The following MNS1 variants were observed in gnomAD, a reference collection of about 807,000 sequenced individuals.
MNS1 encodes the protein meiosis specific nuclear structural 1, also known as meiosis-specific nuclear structural protein 1.
A neutral mutation model predicts 72.0 loss-of-function variants in MNS1; 63 were observed. The ratio of observed to expected loss-of-function variants is 0.87; its 90% confidence interval spans 0.71 to 1.08. The LOEUF is 1.08. Ranked by LOEUF, MNS1 falls within the 50% of genes least tolerant of loss-of-function variation. MNS1 has a pLI of 0.00. For missense variants in MNS1, 604 were observed against 562.4 expected, an observed-to-expected ratio of 1.07 and a Z score of -0.75; for synonymous variants, 188 against 172.1, an observed-to-expected ratio of 1.09 and a Z score of -0.72.
chr15:56,434,519 A>C, intron 7 of MNS1, 124 bp from the exon 8 acceptor site: 1 of 1,040,436 alleles, frequency 9.6e-7, no homozygotes. Context: ...TGAAAAAGTA[A>C]GGCTTTTCAT....
intron 7 of MNS1, among the ~76,000 whole-genome samples, chr15:56,440,541 A>G (rs1320122570): frequency 2.6e-5 from 4 of 152,206 alleles, no homozygotes; most frequent in Non-Finnish European, 4.4e-5. Flanking sequence ...TTTACTCATC[A>G]GAGCTAAATA....
In MNS1 at chr15:56,428,812, G is replaced by A. The variant is rs191013792; in HGVS notation, c.*289C>T. The A allele has an allele frequency of 8.3e-6, 3 of 360,212 alleles. No homozygotes were observed. Among genetic ancestry groups the A allele is most frequent in the Admixed American group, 8.8e-5 (2 of 22,820 alleles). 22.3% of individuals were successfully genotyped at this position (360,212 alleles called of 1,614,324 possible). On this transcript the variant is annotated 3_prime_UTR_variant, in exon 10 of 10. Coordinates refer to ENST00000260453, the MANE Select transcript of MNS1 (RefSeq NM_018365.4). ...CAGACAGAAGGCAGTTCACTTTGGGGTAGAGTTCTGTATTAGTCAAGGTAA... is the reference window on the plus strand; with the variant it reads ...CAGACAGAAGGCAGTTCACTTTGGGATAGAGTTCTGTATTAGTCAAGGTAA...
At chr15:56,463,840 G>A (rs1596270535) in intron 2 of MNS1, 186 bp downstream of exon 2, 2 of 586,906 alleles carry the variant, frequency 3.4e-6, no homozygotes, top group Non-Finnish European at 5.9e-6. Flanking sequence ...TATAGCAGTA[G>A]TAGGATTCAA....
intron 2 of MNS1, among the ~76,000 whole-genome samples, chr15:56,461,345 A>G (rs1377795392): frequency 6.6e-6 from 1 of 152,132 alleles, no homozygotes; most frequent in Non-Finnish European, 1.5e-5. Context: ...GAAGGTATCA[A>G]AGATTAAGGA....
At chr15:56,463,878 C>G (rs747554004) in intron 2 of MNS1, 148 bp downstream of exon 2, 2 of 649,004 alleles carry the variant, frequency 3.1e-6, no homozygotes, top group Non-Finnish European at 5.2e-6. Flanking sequence ...AAACCCAGGT[C>G]TTTACGATTA....
rs2051051278 is a variant in MNS1 at position 56,465,102 on chromosome 15, A to G, written c.-130T>C. 2.4e-6 allele frequency: 3 copies of G among 1,264,986 alleles called. No individual in the cohort carries two copies. The highest frequency in any genetic ancestry group is 3.3e-6 in the Non-Finnish European group (3 of 904,426). The allele number at this position is 1,264,986 out of a possible 1,614,324, so 78.4% of individuals were successfully genotyped here. A position where few individuals can be genotyped will look rare whatever the true frequency, so the allele number is the denominator to read the frequency against. On this transcript the variant is annotated 5_prime_UTR_variant, in exon 1 of 10. Transcript: ENST00000260453. ...CGGGTGTTTACGCGGCGTCTTGGCA[A>G]CGGTGGAGCTGCGCGCCCTCCGCTC...
chr15:56,443,685 C>T lies in MNS1; in HGVS notation c.856G>A (p.Ala286Thr). ...MQQQREEDRM[A>T]KVQENEEKRL... ...TTCTCCTCATTTTCTTGAACTTTTG[C>T]CATCCGATCTTCTTCTCTTTGCTGC... The change falls in exon 6 of 10, where the codon GCA becomes ACA. Residue 286 changes from alanine to threonine, a missense_variant. By Grantham distance (58) the Ala-to-Thr change is moderately conservative. Coordinates refer to ENST00000260453, the MANE Select transcript of MNS1 (RefSeq NM_018365.4). The T allele has an allele frequency of 2.5e-6, 4 of 1,613,356 alleles. No individual in the cohort carries two copies. The highest frequency in any genetic ancestry group is 3.4e-6 in the Non-Finnish European group (4 of 1,179,718).
chr15:56,451,996 T>C (rs1858605203), intron 3 of MNS1, among the ~76,000 whole-genome samples: 1 of 152,204 alleles, frequency 6.6e-6, no homozygotes, highest in African/African-American at 2.4e-5. Flanking sequence ...ATTTCATCAA[T>C]TTTGGCAAAT....
At chr15:56,443,234 T>C (rs1456473581) in intron 7 of MNS1, among the ~76,000 whole-genome samples, 196 bp downstream of exon 7, 1 of 152,212 alleles carries the variant, frequency 6.6e-6, no homozygotes, top group Non-Finnish European at 1.5e-5. Context: ...ATGCTTTTTA[T>C]GGTAAGTTTA....
intron 8 of MNS1, among the ~76,000 whole-genome samples, chr15:56,433,926 T>G (rs554596963): frequency 2.2e-3 from 338 of 152,294 alleles, no homozygotes; most frequent in Admixed American, 5.5e-3. Flanking sequence ...TATTTACCTT[T>G]TATGTTCTCA....
intron 3 of MNS1, 94 bp from the exon 4 acceptor site, chr15:56,447,037 A>C: frequency 2.8e-6 from 2 of 726,034 alleles, no homozygotes; most frequent in Non-Finnish European, 4.1e-6. Context: ...TAATTTACTC[A>C]AAGAGGGAAT....
intron 9 of MNS1, chr15:56,430,155 G>A (rs1197886037): frequency 6.6e-6 from 1 of 152,094 alleles, no homozygotes; most frequent in Non-Finnish European, 1.5e-5. Context: ...ATAGCTGAAA[G>A]ATGGCGATCT....
chr15:56,451,548 T>C (rs1455657916), intron 3 of MNS1, among the ~76,000 whole-genome samples: 13 of 152,234 alleles, frequency 8.5e-5, no homozygotes, highest in Non-Finnish European at 1.8e-4. Flanking sequence ...CTGCCTACTC[T>C]GCTATTTTGC....
At chr15:56,436,562 C>T (rs1465809447) in intron 7 of MNS1, among the ~76,000 whole-genome samples, 1 of 152,054 alleles carries the variant, frequency 6.6e-6, no homozygotes, top group African/African-American at 2.4e-5. Context: ...GAACCAAGAG[C>T]AAACACATTC....
intron 2 of MNS1, among the ~76,000 whole-genome samples, chr15:56,462,370 T>G (rs1376577753): frequency 6.6e-6 from 1 of 152,130 alleles, no homozygotes; most frequent in African/African-American, 2.4e-5. Context: ...TCACTAAAAG[T>G]GGAACAACCA....
chr15:56,432,934 T>G (rs1164625830), intron 8 of MNS1, among the ~76,000 whole-genome samples: 1 of 152,208 alleles, frequency 6.6e-6, no homozygotes, highest in African/African-American at 2.4e-5. Context: ...AACACCTACA[T>G]ATTATCCATT....
At chr15:56,463,558 C>T (rs1216151053) in intron 2 of MNS1, among the ~76,000 whole-genome samples, 4 of 151,960 alleles carry the variant, frequency 2.6e-5, no homozygotes, top group African/African-American at 7.3e-5. Context: ...CCGAGGCGGG[C>T]GGATCACGAG....
At chr15:56,432,433 T>C (rs1341842887) in intron 8 of MNS1, among the ~76,000 whole-genome samples, 1 of 152,176 alleles carries the variant, frequency 6.6e-6, no homozygotes, top group Non-Finnish European at 1.5e-5. Context: ...TTTAGGAATG[T>C]CTCTGAAATC....
chr15:56,445,380 T>C (rs900650923), intron 4 of MNS1, among the ~76,000 whole-genome samples: 1 of 152,072 alleles, frequency 6.6e-6, no homozygotes, highest in Non-Finnish European at 1.5e-5. Flanking sequence ...TGAAATATAC[T>C]GAGGCAATTT....
Sources: gnomAD v4.1 joint callset for allele counts (sites outside exome capture counted in the v4.1 genomes callset) on GRCh38, gnomAD v4.1.1 for gene constraint, MANE v1.5 for transcripts, NCBI Gene and HGNC (gene_info 2026-07-23, HGNC 2026-07-21) for gene names.